Variants in ANKRD55 observed in about 807,000 individuals in gnomAD.
ANKRD55 encodes the protein ankyrin repeat domain 55.
A neutral mutation model predicts 60.6 loss-of-function variants in ANKRD55; 41 were observed. The observed-to-expected ratio is 0.68, with a 90% CI of 0.53 to 0.88. The LOEUF (loss-of-function observed/expected upper bound fraction) is 0.88. Ranked by LOEUF, ANKRD55 falls within the 40% of genes least tolerant of loss-of-function variation. The probability of loss-of-function intolerance (pLI) is 0.00; values close to 1 mark genes in which losing one functional copy is unlikely to be tolerated. For missense variants in ANKRD55, 732 were observed against 767.6 expected (o/e 0.95, Z 0.55); for synonymous variants, 264 against 290.3 (o/e 0.91, Z 0.92).
intron 4 of ANKRD55, among the ~76,000 whole-genome samples, chr5:56,173,541 CCTCTCTCT>C (rs71578616): frequency 0.017 from 1,073 of 61,402 alleles, 33 homozygotes; most frequent in African/African-American, 0.047. Context: ...TAGAGATTCG[CCTCTCTCT>C]CTCTCTCTCT....
intron 8 of ANKRD55, among the ~76,000 whole-genome samples, chr5:56,122,085 T>C (rs1258994243): frequency 6.6e-6 from 1 of 152,236 alleles, no homozygotes; most frequent in African/African-American, 2.4e-5. Context: ...ATATAAAAAG[T>C]CAACTTGCTG....
intron 10 of ANKRD55, among the ~76,000 whole-genome samples, chr5:56,107,895 G>A (rs1375760815): frequency 2.0e-5 from 3 of 150,736 alleles, no homozygotes; most frequent in Middle Eastern, 3.2e-3. Flanking sequence ...TTTGAGACAG[G>A]GCCTCACTTT....
rs1756210715 is a variant in ANKRD55, at chr5:56,099,779, T to TG, written c.*403_*404insC. 1.3e-5 allele frequency: 2 copies of TG among 158,056 alleles called. No individual in the cohort carries two copies. The highest frequency in any genetic ancestry group is 2.4e-5 in the African/African-American group (1 of 41,264). 9.8% of individuals were successfully genotyped at this position (158,056 alleles called of 1,614,324 possible). Reference sequence around the variant, plus strand: ...ATGTTTGTCTGGGATGTGGTTTTTTTTTTGTTTTGTTTTTTGCTTTTATTC... The same window carrying TG: ...ATGTTTGTCTGGGATGTGGTTTTTTTGTTTGTTTTGTTTTTTGCTTTTATTC... On this transcript the variant is annotated 3_prime_UTR_variant, in exon 12 of 12. Coordinates refer to ENST00000341048, the MANE Select transcript of ANKRD55 (RefSeq NM_024669.3).
intron 2 of ANKRD55, among the ~76,000 whole-genome samples, chr5:56,208,713 G>A (rs188058536): frequency 1.9e-4 from 29 of 152,216 alleles, no homozygotes; most frequent in African/African-American, 5.3e-4. Context: ...GTGAGCCACC[G>A]CGCCCAGTCC....
chr5:56,165,575 C>A (rs375051642), intron 5 of ANKRD55, among the ~76,000 whole-genome samples: 87 of 152,190 alleles, frequency 5.7e-4, no homozygotes, highest in Admixed American at 1.6e-3. Flanking sequence ...AGCGTTTCCA[C>A]ACATTTTCTC....
Position 56,125,977 on chromosome 5 carries a change from T to C in ANKRD55, c.797+945A>G, listed in dbSNP as rs190702495. Reference sequence around the variant, plus strand: ...GGTGAAACCCTGTCTCTAATAAAAATACAAAAGTAAGCTGGGCATGGTGGC... The same window carrying C: ...GGTGAAACCCTGTCTCTAATAAAAACACAAAAGTAAGCTGGGCATGGTGGC... On this transcript the variant is annotated intron_variant, in intron 8 of 11. Coordinates refer to ENST00000341048, the MANE Select transcript of ANKRD55 (RefSeq NM_024669.3). Among the ~76,000 whole-genome samples the C allele has an allele frequency of 1.5e-3, 230 of 151,878 alleles. 1 individual carries two copies. Among genetic ancestry groups the C allele is most frequent in the African/African-American group, 5.5e-3 (227 of 41,406 alleles).
intron 6 of ANKRD55, among the ~76,000 whole-genome samples, chr5:56,154,496 G>A (rs754031169): frequency 5.3e-5 from 8 of 151,902 alleles, no homozygotes; most frequent in Middle Eastern, 3.2e-3. Context: ...TAAATTTATC[G>A]TGATTGGCTC....
At chr5:56,111,842 A>T (rs1756717705) in intron 9 of ANKRD55, 60 bp from the exon 10 acceptor site, 1 of 1,382,762 alleles carries the variant, frequency 7.2e-7, no homozygotes, top group Non-Finnish European at 9.5e-7. Context: ...GACATCACTC[A>T]CCGAAATACC....
intron 4 of ANKRD55, among the ~76,000 whole-genome samples, chr5:56,171,685 G>T (rs1440616882): frequency 6.6e-6 from 1 of 152,088 alleles, no homozygotes; most frequent in Non-Finnish European, 1.5e-5. Flanking sequence ...TTATTATGAA[G>T]AATAATAGGA....
intron 6 of ANKRD55, among the ~76,000 whole-genome samples, chr5:56,144,971 T>G (rs1351282763): frequency 6.6e-6 from 1 of 152,214 alleles, no homozygotes; most frequent in African/African-American, 2.4e-5. Flanking sequence ...CTTTGAAGAC[T>G]CTCTTTCTAT....
At chr5:56,190,473 T>C (rs1759068848) in intron 2 of ANKRD55, among the ~76,000 whole-genome samples, 2 of 152,238 alleles carry the variant, frequency 1.3e-5, no homozygotes, top group Non-Finnish European at 2.9e-5. Flanking sequence ...TGTTTGGGTC[T>C]TTGATCCATT....
At position 56,112,511 on chromosome 5, in the gene ANKRD55, A is replaced by AAAAAAAAAACAAAAAAAAAAAAAAC. The variant is rs61268045; in HGVS notation, c.966-730_966-729insGTTTTTTTTTTTTTTGTTTTTTTTT. Among the ~76,000 whole-genome samples, 30 of 81,522 alleles carry AAAAAAAAAACAAAAAAAAAAAAAAC rather than the reference A, an allele frequency of 3.7e-4. 1 individual carries two copies. The highest frequency in any genetic ancestry group is 1.4e-3 in the African/African-American group (26 of 18,530). 53.5% of individuals were successfully genotyped at this position (81,522 alleles called of 152,430 possible). A position where few individuals can be genotyped will look rare whatever the true frequency, so the allele number is the denominator to read the frequency against. On this transcript the variant is annotated intron_variant, in intron 9 of 11. Coordinates refer to ENST00000341048, the MANE Select transcript of ANKRD55 (RefSeq NM_024669.3). ...GCAGGATCTCATCTCTAGCAAAAAAAAAAAAAAAAAACAACCAAGGAAAGA... is the reference window on the plus strand; with the variant it reads ...GCAGGATCTCATCTCTAGCAAAAAAAAAAAAAAAACAAAAAAAAAAAAAACAAAAAAAAAAACAACCAAGGAAAGA...
chr5:56,232,775 T>C, intron 2 of ANKRD55, 81 bp downstream of exon 2: 1 of 1,388,250 alleles, frequency 7.2e-7, no homozygotes. Flanking sequence ...CACACTTCTC[T>C]TTCTCTCCTT....
At chr5:56,194,384 A>G (rs1759181346) in intron 2 of ANKRD55, among the ~76,000 whole-genome samples, 1 of 151,986 alleles carries the variant, frequency 6.6e-6, no homozygotes, top group Non-Finnish European at 1.5e-5. Context: ...ACAGCTCAAG[A>G]GTTGAGTTTA....
intron 8 of ANKRD55, among the ~76,000 whole-genome samples, chr5:56,125,189 C>G (rs938610077): frequency 1.2e-4 from 19 of 152,248 alleles, no homozygotes; most frequent in African/African-American, 4.6e-4. Context: ...ATGGTTAATT[C>G]ACTTTTTTCC....
intron 7 of ANKRD55, chr5:56,137,237 T>A (rs1413475485): frequency 6.2e-7 from 1 of 1,606,692 alleles, no homozygotes; most frequent in Non-Finnish European, 8.5e-7. Flanking sequence ...CCAAAAAGAG[T>A]GCTGAATTTT....
At chr5:56,227,569 C>G (rs1007294373) in intron 2 of ANKRD55, among the ~76,000 whole-genome samples, 1 of 151,402 alleles carries the variant, frequency 6.6e-6, no homozygotes, top group Admixed American at 6.6e-5. Flanking sequence ...GGAATAAGAG[C>G]TTGATTGTGA....
At position 56,111,184 on chromosome 5, in the gene ANKRD55, C is replaced by CA; in HGVS notation, c.1563dup (p.Val522CysfsTer19). ...GAGACCTCTTGGTGACCAGGCCGGA[C>CA]ACTGAGCAATCTGTCCAGCAGCTTA... On this transcript the variant is annotated frameshift_variant, in exon 10 of 12. Transcript: ENST00000341048. LOFTEE classifies it high-confidence loss of function. The CA allele has an allele frequency of 6.2e-7, 1 of 1,614,178 alleles. No homozygotes were observed. Among genetic ancestry groups the CA allele is most frequent in the Non-Finnish European group, 8.5e-7 (1 of 1,180,032 alleles).
chr5:56,188,482 A>T (rs1759024652), intron 2 of ANKRD55, among the ~76,000 whole-genome samples: 1 of 152,008 alleles, frequency 6.6e-6, no homozygotes, highest in Non-Finnish European at 1.5e-5. Flanking sequence ...ATCCATTTTG[A>T]TTTGACTTTT....
Sources: gnomAD v4.1 joint callset for allele counts (sites outside exome capture counted in the v4.1 genomes callset) on GRCh38, gnomAD v4.1.1 for gene constraint, MANE v1.5 for transcripts, NCBI Gene and HGNC (gene_info 2026-07-23, HGNC 2026-07-21) for gene names.